KCNJ3: variants seen among roughly 807,000 people sequenced by gnomAD.
KCNJ3 encodes the protein G protein-activated inward rectifier potassium channel 1.
In KCNJ3, 4 loss-of-function variants were observed where a neutral mutation model predicts 39.2. The ratio of observed to expected loss-of-function variants is 0.10; its 90% CI spans 0.05 to 0.23. The LOEUF (loss-of-function observed/expected upper bound fraction) is 0.23. Among genes scored for constraint, KCNJ3 ranks in the 10% least tolerant of loss-of-function variants. KCNJ3 has a pLI of 1.00. For missense variants in KCNJ3, 276 were observed against 634.9 expected, an observed-to-expected ratio of 0.43 and a Z score of 6.08; for synonymous variants, 230 against 237.4, an observed-to-expected ratio of 0.97 and a Z score of 0.29.
At chr2:154,853,720 C>A (rs2105142202) in intron 2 of KCNJ3, among the ~76,000 whole-genome samples, 1 of 152,140 alleles carries the variant, frequency 6.6e-6, no homozygotes, top group African/African-American at 2.4e-5. Context: ...TACTTCCAGT[C>A]TTCACAAAAT....
At chr2:154,784,759 T>A (rs6756636) in intron 2 of KCNJ3, among the ~76,000 whole-genome samples, 8,203 of 152,222 alleles carry the variant, frequency 0.054, 716 homozygotes, top group African/African-American at 0.18. Context: ...ACAAGCAAAG[T>A]TGTGCTATCT....
At chr2:154,704,277 C>A (rs1004794547) in intron 1 of KCNJ3, among the ~76,000 whole-genome samples, 3 of 151,886 alleles carry the variant, frequency 2.0e-5, no homozygotes, top group East Asian at 3.9e-4. Flanking sequence ...TAGGTAAGAA[C>A]AAATGATAAA....
intron 2 of KCNJ3, among the ~76,000 whole-genome samples, chr2:154,710,733 T>C (rs901201898): frequency 6.6e-6 from 1 of 152,162 alleles, no homozygotes; most frequent in Admixed American, 6.5e-5. Context: ...ATCATCTGAA[T>C]TATATAATAC....
At chr2:154,789,128 G>C (rs186572185) in intron 2 of KCNJ3, among the ~76,000 whole-genome samples, 3 of 152,100 alleles carry the variant, frequency 2.0e-5, no homozygotes, top group Admixed American at 1.3e-4. Context: ...ATGGATGTTT[G>C]GTGGCTATTT....
At chr2:154,721,156 T>G (rs918898194) in intron 2 of KCNJ3, among the ~76,000 whole-genome samples, 3 of 152,152 alleles carry the variant, frequency 2.0e-5, no homozygotes, top group African/African-American at 7.2e-5. Flanking sequence ...GTTAAGATTT[T>G]TAATGTTTTA....
intron 1 of KCNJ3, among the ~76,000 whole-genome samples, chr2:154,707,315 G>A (rs1482861464): frequency 6.6e-6 from 1 of 151,782 alleles, no homozygotes; most frequent in East Asian, 1.9e-4. Flanking sequence ...AAAATCAGAA[G>A]GTATATTAAG....
At chr2:154,824,805 A>G (rs1379033889) in intron 2 of KCNJ3, among the ~76,000 whole-genome samples, 1 of 152,242 alleles carries the variant, frequency 6.6e-6, no homozygotes, top group Admixed American at 6.5e-5. Flanking sequence ...TTGTGTAACT[A>G]GAAGATGGCT....
intron 2 of KCNJ3, among the ~76,000 whole-genome samples, chr2:154,822,904 T>G (rs1197148975): frequency 2.6e-5 from 4 of 151,746 alleles, no homozygotes; most frequent in Admixed American, 1.3e-4. Context: ...TTGTTAAATT[T>G]GGCATTGGAT....
At chr2:154,734,841 C>T (rs1213630878) in intron 2 of KCNJ3, among the ~76,000 whole-genome samples, 1 of 152,168 alleles carries the variant, frequency 6.6e-6, no homozygotes, top group East Asian at 1.9e-4. Context: ...GGCAAAGATA[C>T]TGTTCTATAC....
chr2:154,757,489 C>T (rs1685961670), intron 2 of KCNJ3, among the ~76,000 whole-genome samples: 1 of 151,940 alleles, frequency 6.6e-6, no homozygotes, highest in African/African-American at 2.4e-5. Context: ...TCCATATCTC[C>T]CCATTCTATA....
At position 154,750,602 on chromosome 2, in the gene KCNJ3, A is replaced by T. The variant is rs1685824422; in HGVS notation, c.919+40783A>T. 2.6e-5 allele frequency among the ~76,000 whole-genome samples: 4 copies of T among 152,010 alleles called. No individual in the cohort carries two copies. The South Asian group carries it at 8.3e-4, about 31-fold the overall frequency. On this transcript the variant is annotated intron_variant, in intron 2 of 2. Transcript: ENST00000295101. ...AAACAAATAGAAAAATACATAAGCA[A>T]CAACAATAAAAACCTTACAGTATTG... is the stretch of plus-strand genomic sequence containing the variant.
intron 2 of KCNJ3, among the ~76,000 whole-genome samples, chr2:154,752,556 ATAT>A (rs1018792618): frequency 1.3e-5 from 2 of 152,020 alleles, no homozygotes; most frequent in African/African-American, 4.8e-5. Flanking sequence ...AAAATCGGAA[ATAT>A]TATGAAACTT....
chr2:154,798,302 T>A (rs1402253075), intron 2 of KCNJ3, among the ~76,000 whole-genome samples: 2 of 151,758 alleles, frequency 1.3e-5, no homozygotes, highest in Admixed American at 1.3e-4. Flanking sequence ...CTTAAAAGAT[T>A]CCTAGACTAA....
chr2:154,706,562 T>C (rs1685014590), intron 1 of KCNJ3, among the ~76,000 whole-genome samples: 1 of 152,150 alleles, frequency 6.6e-6, no homozygotes, highest in Non-Finnish European at 1.5e-5. Context: ...TATACATGTA[T>C]TTATCACAGT....
Position 154,699,492 on chromosome 2 carries a change from C to A in KCNJ3, c.702+15C>A, listed in dbSNP as rs75956346. ...AGCTGCTCAAAGTAAGTGCTCCCCG[C>A]CCCTTCCCCACCGGGAGACCTGCGT... On this transcript the variant is annotated intron_variant, in intron 1 of 2. Coordinates refer to ENST00000295101, the MANE Select transcript of KCNJ3 (RefSeq NM_002239.4). The surrounding 1 kb of genome is among the most constrained non-coding windows in gnomAD (Gnocchi z 6.4). 2.6e-5 allele frequency: 40 copies of A among 1,556,888 alleles called. No individual in the cohort carries two copies. In the East Asian group the frequency reaches 8.4e-4, roughly 33 times the overall value.
intron 2 of KCNJ3, among the ~76,000 whole-genome samples, chr2:154,735,165 C>A (rs1160079742): frequency 6.6e-6 from 1 of 151,932 alleles, no homozygotes. Flanking sequence ...CGGCTCACTG[C>A]AAGCTCCGCC....
At chr2:154,711,631 C>G (rs1363261314) in intron 2 of KCNJ3, among the ~76,000 whole-genome samples, 1 of 152,056 alleles carries the variant, frequency 6.6e-6, no homozygotes. Context: ...CCTTAATATA[C>G]TTGAAAAATT....
chr2:154,784,602 C>A (rs551646420), intron 2 of KCNJ3, among the ~76,000 whole-genome samples: 1 of 152,050 alleles, frequency 6.6e-6, no homozygotes, highest in Non-Finnish European at 1.5e-5. Context: ...AGGCTGGTCT[C>A]GAACTCCTGA....
intron 2 of KCNJ3, among the ~76,000 whole-genome samples, chr2:154,754,407 G>A (rs1685902682): frequency 6.6e-6 from 1 of 152,056 alleles, no homozygotes; most frequent in Non-Finnish European, 1.5e-5. Flanking sequence ...CCGAGTAGCT[G>A]GGATTCCAGG....
Sources: gnomAD v4.1 joint callset for allele counts (sites outside exome capture counted in the v4.1 genomes callset) on GRCh38, gnomAD v4.1.1 for gene constraint, Gnocchi (gnomAD v3.1) non-coding constraint, MANE v1.5 for transcripts, NCBI Gene and HGNC (gene_info 2026-07-23, HGNC 2026-07-21) for gene names.